Variants in MAML3 observed in about 807,000 individuals in gnomAD.
The protein encoded by MAML3 is mastermind-like protein 3.
MAML3 carries 27 observed loss-of-function variants against 101.9 expected under a neutral mutation model. That is an observed-to-expected ratio of 0.27 (90% CI 0.20 to 0.37). MAML3 has a LOEUF of 0.37. MAML3 is among the 10% of genes least tolerant of loss of function. The pLI is 1.00. For synonymous variants in MAML3, 501 were observed against 555.9 expected (o/e 0.90, Z 1.39); for missense variants, 1,316 against 1,444.9 (o/e 0.91, Z 1.45).
intron 2 of MAML3, among the ~76,000 whole-genome samples, chr4:139,864,326 G>T (rs1731848053): frequency 6.6e-6 from 1 of 152,106 alleles, no homozygotes; most frequent in African/African-American, 2.4e-5. Flanking sequence ...TCACACTCCA[G>T]TATAATAATT....
At chr4:139,916,664 C>T (rs542026315) in intron 1 of MAML3, among the ~76,000 whole-genome samples, 1 of 152,250 alleles carries the variant, frequency 6.6e-6, no homozygotes, top group Non-Finnish European at 1.5e-5. Context: ...AAAATTTGCA[C>T]TCGGCAGCCA....
At chr4:140,077,484 C>T (rs1283798063) in intron 1 of MAML3, among the ~76,000 whole-genome samples, 4 of 152,128 alleles carry the variant, frequency 2.6e-5, no homozygotes, top group East Asian at 1.9e-4. Flanking sequence ...ATTGAATTTT[C>T]GAGCCAAACA....
chr4:139,963,924 G>C (rs1734075397), intron 1 of MAML3, among the ~76,000 whole-genome samples: 1 of 152,142 alleles, frequency 6.6e-6, no homozygotes, highest in Non-Finnish European at 1.5e-5. Flanking sequence ...CTGCCATATG[G>C]CTGACATTCA....
At chr4:139,840,958 C>G (rs1731350189) in intron 2 of MAML3, among the ~76,000 whole-genome samples, 1 of 152,180 alleles carries the variant, frequency 6.6e-6, no homozygotes. Flanking sequence ...TCTGGCTGCT[C>G]TAGGTTATCA....
chr4:139,941,776 T>C (rs115823782), intron 1 of MAML3, among the ~76,000 whole-genome samples: 1,998 of 152,290 alleles, frequency 0.013, 44 homozygotes, highest in African/African-American at 0.046. Context: ...TATGCTCTTA[T>C]ATTTCAGCAG....
chr4:140,147,205 G>T (rs1578709322), intron 1 of MAML3, among the ~76,000 whole-genome samples: 1 of 150,482 alleles, frequency 6.6e-6, no homozygotes, highest in East Asian at 1.9e-4. Flanking sequence ...AATCTACAGA[G>T]AATATATATT....
chr4:139,993,351 C>A (rs1469165909), intron 1 of MAML3, among the ~76,000 whole-genome samples: 9 of 127,386 alleles, frequency 7.1e-5, no homozygotes, highest in African/African-American at 2.3e-4. Flanking sequence ...GACTCCATCT[C>A]AAAAAAAAAA....
intron 2 of MAML3, among the ~76,000 whole-genome samples, chr4:139,871,312 G>C (rs1440683445): frequency 6.6e-6 from 1 of 152,074 alleles, no homozygotes; most frequent in Non-Finnish European, 1.5e-5. Flanking sequence ...AAGCCAATTA[G>C]AGTAAACAAC....
At chr4:140,140,746 T>C (rs1335681667) in intron 1 of MAML3, among the ~76,000 whole-genome samples, 1 of 152,232 alleles carries the variant, frequency 6.6e-6, no homozygotes, top group African/African-American at 2.4e-5. Flanking sequence ...CTGGGTCAAA[T>C]CATTGCCACA....
intron 1 of MAML3, among the ~76,000 whole-genome samples, chr4:139,987,586 C>T (rs1734564540): frequency 6.6e-6 from 1 of 152,102 alleles, no homozygotes; most frequent in Non-Finnish European, 1.5e-5. Context: ...GGTGTGGCAT[C>T]TTTGTTCTCC....
At chr4:139,989,594 C>T (rs916650426) in intron 1 of MAML3, among the ~76,000 whole-genome samples, 1 of 152,072 alleles carries the variant, frequency 6.6e-6, no homozygotes, top group South Asian at 2.1e-4. Flanking sequence ...ACAGTGAAGC[C>T]CAGAAATGCT....
At chr4:139,753,872 G>A (rs566872374) in intron 2 of MAML3, among the ~76,000 whole-genome samples, 3 of 152,246 alleles carry the variant, frequency 2.0e-5, no homozygotes, top group Admixed American at 1.3e-4. Flanking sequence ...ACATCAGAAG[G>A]GAGACAAATG....
chr4:140,124,579 G>A (rs1174976351), intron 1 of MAML3, among the ~76,000 whole-genome samples: 1 of 152,108 alleles, frequency 6.6e-6, no homozygotes, highest in Non-Finnish European at 1.5e-5. Context: ...TAAAATCTAG[G>A]TGAAAGAATA....
intron 2 of MAML3, among the ~76,000 whole-genome samples, chr4:139,885,794 G>C (rs1401637166): frequency 1.3e-5 from 2 of 149,654 alleles, no homozygotes; most frequent in African/African-American, 4.9e-5. Context: ...TTAGCCAGGC[G>C]TGCCGGCAGG....
intron 1 of MAML3, among the ~76,000 whole-genome samples, chr4:139,900,348 T>A (rs1732693043): frequency 6.6e-6 from 1 of 152,216 alleles, no homozygotes; most frequent in Non-Finnish European, 1.5e-5. Flanking sequence ...TATGTTTTTA[T>A]CCTTTAATTA....
At chr4:140,014,863 T>C (rs72712574) in intron 1 of MAML3, among the ~76,000 whole-genome samples, 22,230 of 152,196 alleles carry the variant, frequency 0.15, 1,851 homozygotes, top group South Asian at 0.28. Context: ...CCTAATTATA[T>C]GTGTATAGGA....
intron 1 of MAML3, among the ~76,000 whole-genome samples, chr4:139,903,653 A>G (rs1330798517): frequency 2.0e-5 from 3 of 152,264 alleles, no homozygotes; most frequent in African/African-American, 7.2e-5. Flanking sequence ...TGAGGTGATT[A>G]GAGTGGGCGC....
intron 2 of MAML3, among the ~76,000 whole-genome samples, chr4:139,808,555 G>C (rs754301831): frequency 5.9e-5 from 9 of 152,190 alleles, no homozygotes; most frequent in Non-Finnish European, 2.9e-5. Context: ...CCACATCTCA[G>C]TTCTCACCAG....
At chr4:140,148,136 C>T (rs1729096501) in intron 1 of MAML3, among the ~76,000 whole-genome samples, 1 of 152,180 alleles carries the variant, frequency 6.6e-6, no homozygotes, top group African/African-American at 2.4e-5. Flanking sequence ...GCCCATTTTT[C>T]TCCTATCAGG....
Sources: allele counts gnomAD v4.1 joint callset (sites outside exome capture counted in the v4.1 genomes callset), GRCh38; gene constraint gnomAD v4.1.1; transcripts MANE v1.5; gene names NCBI Gene and HGNC (gene_info 2026-07-23, HGNC 2026-07-21).